NLGN1: variants seen among roughly 807,000 people sequenced by gnomAD.
NLGN1 encodes the protein neuroligin 1.
Under a neutral mutation model 65.5 loss-of-function variants are expected in NLGN1, and 12 were observed. The ratio of observed to expected loss-of-function variants is 0.18; its 90% CI spans 0.12 to 0.30. NLGN1 has a LOEUF of 0.30. Among genes scored for constraint, NLGN1 ranks in the 10% least tolerant of loss-of-function variants. NLGN1 has a pLI of 1.00. For missense variants in NLGN1, 750 were observed against 1,007.1 expected (o/e 0.74, Z 3.46); for synonymous variants, 350 against 359.5 (o/e 0.97, Z 0.30).
intron 2 of NLGN1, among the ~76,000 whole-genome samples, chr3:173,589,556 G>A (rs547438658): frequency 6.6e-6 from 1 of 152,282 alleles, no homozygotes; most frequent in South Asian, 2.1e-4. Context: ...AGAAGTTGGG[G>A]AAGAGATTGA....
chr3:173,474,303 A>G (rs1725818959), intron 2 of NLGN1, among the ~76,000 whole-genome samples: 1 of 152,194 alleles, frequency 6.6e-6, no homozygotes, highest in Non-Finnish European at 1.5e-5. Flanking sequence ...AGAACTGAGA[A>G]CAAAGAAAGT....
chr3:173,662,179 A>T (rs2149695046), intron 3 of NLGN1, among the ~76,000 whole-genome samples: 1 of 152,158 alleles, frequency 6.6e-6, no homozygotes, highest in Non-Finnish European at 1.5e-5. Flanking sequence ...ATGACAAAGA[A>T]CATTATCTTA....
At chr3:173,822,760 A>G (rs1160958281) in intron 4 of NLGN1, among the ~76,000 whole-genome samples, 1 of 152,108 alleles carries the variant, frequency 6.6e-6, no homozygotes, top group Non-Finnish European at 1.5e-5. Context: ...TTCATCAGCT[A>G]TCTTTAAGAA....
intron 3 of NLGN1, among the ~76,000 whole-genome samples, chr3:173,754,121 T>G (rs2150171966): frequency 6.6e-6 from 1 of 151,102 alleles, no homozygotes. Flanking sequence ...ATCACAGCTC[T>G]TTGTAACCTC....
chr3:173,406,700 G>A (rs1346569123), intron 1 of NLGN1, among the ~76,000 whole-genome samples: 9 of 151,798 alleles, frequency 5.9e-5, no homozygotes, highest in South Asian at 2.1e-4. Context: ...AGACAACAGC[G>A]TTTCTTCCCT....
chr3:173,614,327 G>T (rs1752734248), intron 3 of NLGN1, among the ~76,000 whole-genome samples: 2 of 151,910 alleles, frequency 1.3e-5, no homozygotes. Context: ...AAAGGAAGAG[G>T]GATCCCTGGT....
Position 174,218,293 on chromosome 3 carries a change from C to T in NLGN1, c.647-57022C>T, listed in dbSNP as rs1738009114. ...TGCAGTAGGGAGGATTTAAGGCAGA[C>T]AATAAAAATGTTCCCAGTACAATTT... On this transcript the variant is annotated intron_variant, in intron 4 of 6. Coordinates refer to ENST00000457714, the Ensembl canonical transcript of NLGN1. Among the ~76,000 whole-genome samples the T allele has an allele frequency of 1.3e-5, 2 of 151,682 alleles. 1 individual carries two copies. The highest frequency in any genetic ancestry group is 4.2e-4 in the South Asian group (2 of 4,808).
intron 4 of NLGN1, among the ~76,000 whole-genome samples, chr3:173,923,213 A>G (rs1157083295): frequency 2.0e-5 from 3 of 152,144 alleles, no homozygotes; most frequent in Non-Finnish European, 2.9e-5. Context: ...GTTTACTACC[A>G]TGGTTGCTAG....
chr3:173,611,008 T>A (rs967062318), intron 3 of NLGN1, among the ~76,000 whole-genome samples: 2 of 151,918 alleles, frequency 1.3e-5, no homozygotes, highest in Non-Finnish European at 2.9e-5. Context: ...TATCCTTCAG[T>A]AGGTGAGAAA....
intron 4 of NLGN1, among the ~76,000 whole-genome samples, chr3:174,254,503 T>C (rs1277232154): frequency 6.6e-6 from 1 of 152,078 alleles, no homozygotes; most frequent in African/African-American, 2.4e-5. Flanking sequence ...TGTAGAATAC[T>C]TACACCATTC....
intron 3 of NLGN1, among the ~76,000 whole-genome samples, chr3:173,668,890 C>T (rs953225179): frequency 1.3e-5 from 2 of 152,154 alleles, no homozygotes; most frequent in Non-Finnish European, 2.9e-5. Flanking sequence ...TCCCAAAGTG[C>T]TGGGATTACA....
intron 3 of NLGN1, among the ~76,000 whole-genome samples, chr3:173,806,613 T>C (rs977434597): frequency 2.0e-5 from 3 of 152,154 alleles, no homozygotes; most frequent in Non-Finnish European, 2.9e-5. Context: ...TGCATACATA[T>C]AGTAGTTCAA....
chr3:173,972,410 A>C (rs1716469787), intron 4 of NLGN1, among the ~76,000 whole-genome samples: 1 of 152,172 alleles, frequency 6.6e-6, no homozygotes, highest in African/African-American at 2.4e-5. Context: ...GAATGAATGC[A>C]AAGGCGCAGA....
intron 4 of NLGN1, among the ~76,000 whole-genome samples, chr3:174,269,150 T>A (rs1396276873): frequency 6.6e-6 from 1 of 151,898 alleles, no homozygotes; most frequent in Non-Finnish European, 1.5e-5. Context: ...GTTGTCCAAT[T>A]TGGAGAATTT....
intron 4 of NLGN1, among the ~76,000 whole-genome samples, chr3:174,273,725 G>GACAC (rs113840926): frequency 6.6e-6 from 1 of 151,332 alleles, no homozygotes; most frequent in African/African-American, 2.4e-5. Context: ...CACAAACACA[G>GACAC]ACACACACAC....
intron 4 of NLGN1, among the ~76,000 whole-genome samples, chr3:173,970,185 C>T (rs1161299966): frequency 6.6e-6 from 1 of 152,110 alleles, no homozygotes; most frequent in Non-Finnish European, 1.5e-5. Context: ...TGTGCACTTA[C>T]GATGTGATAA....
At chr3:173,846,828 G>A (rs1725881512) in intron 4 of NLGN1, among the ~76,000 whole-genome samples, 1 of 152,158 alleles carries the variant, frequency 6.6e-6, no homozygotes, top group Non-Finnish European at 1.5e-5. Flanking sequence ...TCACACCAAA[G>A]TATTACTCAG....
chr3:173,983,594 A>G (rs1236159095), intron 4 of NLGN1, among the ~76,000 whole-genome samples: 1 of 152,008 alleles, frequency 6.6e-6, no homozygotes, highest in African/African-American at 2.4e-5. Context: ...CTACTCCTTG[A>G]TCCTTATGCT....
At chr3:173,432,277 A>G (rs1717324393) in intron 1 of NLGN1, among the ~76,000 whole-genome samples, 1 of 152,240 alleles carries the variant, frequency 6.6e-6, no homozygotes, top group Non-Finnish European at 1.5e-5. Context: ...GGGTACGAGT[A>G]TAAGTACTTC....
Sources: gnomAD v4.1 joint callset for allele counts (sites outside exome capture counted in the v4.1 genomes callset) on GRCh38, gnomAD v4.1.1 for gene constraint, MANE v1.5 for transcripts, NCBI Gene and HGNC (gene_info 2026-07-23, HGNC 2026-07-21) for gene names.